DPP6: variants seen among roughly 807,000 people sequenced by gnomAD.
DPP6 encodes the protein dipeptidyl peptidase like 6.
Under a neutral mutation model 122.6 loss-of-function variants are expected in DPP6, and 69 were observed. The observed-to-expected ratio is 0.56, with a 90% CI of 0.46 to 0.69. The LOEUF is 0.69. Ranked by LOEUF, DPP6 falls within the 30% of genes least tolerant of loss-of-function variation. The pLI is 0.00. For synonymous variants in DPP6, 418 were observed against 433.1 expected, an observed-to-expected ratio of 0.97 and a Z score of 0.43; for missense variants, 928 against 1,116.9, an observed-to-expected ratio of 0.83 and a Z score of 2.41.
At chr7:154,805,312 T>C (rs1798630856) in intron 15 of DPP6, among the ~76,000 whole-genome samples, 1 of 152,154 alleles carries the variant, frequency 6.6e-6, no homozygotes, top group South Asian at 2.1e-4. Context: ...CACAGATTTT[T>C]TGTAGGGAGC....
rs79306516 is a variant in DPP6, at chr7:154,676,810, G to A, written c.762+7369G>A. Among the ~76,000 whole-genome samples the A allele has an allele frequency of 3.2e-3, 485 of 152,356 alleles. 10 individuals are homozygous for A. The East Asian group carries it at 0.037, about 12-fold the overall frequency. ...TTAAGCATTTTGAGGCAGGAACTAC[G>A]TGAAGCAGGCTTACAGAAGCGAGAA... is the stretch of plus-strand genomic sequence containing the variant. On this transcript the variant is annotated intron_variant, in intron 7 of 25. Coordinates refer to ENST00000377770, the MANE Select transcript of DPP6 (RefSeq NM_130797.4).
chr7:154,657,903 C>T (rs1837376628), intron 6 of DPP6, among the ~76,000 whole-genome samples: 1 of 152,180 alleles, frequency 6.6e-6, no homozygotes. Context: ...GAGCCAAAAG[C>T]GCACATTCCT....
Position 154,795,936 on chromosome 7 carries a change from G to A in DPP6, c.1299+53G>A, listed in dbSNP as rs981275622. Reference sequence around the variant, plus strand: ...TGTCACCTCCACCTGATCCACCCCAGGGCTGGCCCTCAGAGCTTCGACAAC... The same window carrying A: ...TGTCACCTCCACCTGATCCACCCCAAGGCTGGCCCTCAGAGCTTCGACAAC... On this transcript the variant is annotated intron_variant, in intron 12 of 25. Transcript: ENST00000377770. 4 of 1,578,148 alleles carry A rather than the reference G, an allele frequency of 2.5e-6. No homozygotes were observed. In the African/African-American group the frequency reaches 5.5e-5, roughly 22 times the overall value.
the DPP6 span, among the ~76,000 whole-genome samples, chr7:153,823,513 T>C: frequency 6.6e-6 from 1 of 150,594 alleles, no homozygotes; most frequent in East Asian, 2.0e-4. Context: ...AGCCCTGTCC[T>C]GAAGCTACGA....
At position 154,337,089 on chromosome 7, in the gene DPP6, A is replaced by G. The variant is rs140421376; in HGVS notation, c.244-109125A>G. On this transcript the variant is annotated intron_variant, in intron 1 of 25. Transcript: ENST00000377770. ...TCTCCTTTCCAAACATCCCAGGTAT[A>G]GAAAGTTACATCACTCTTGCAATTT... Among the ~76,000 whole-genome samples the G allele has an allele frequency of 5.3e-3, 810 of 152,314 alleles. 6 individuals carry two copies. The highest frequency in any genetic ancestry group is 0.019 in the African/African-American group (773 of 41,566).
chr7:153,974,031 G>C (rs184226550), intron 1 of DPP6, among the ~76,000 whole-genome samples: 22 of 151,930 alleles, frequency 1.4e-4, no homozygotes, highest in Admixed American at 1.4e-3. Context: ...TGCTCAGAAG[G>C]GGGACTTACC....
intron 1 of DPP6, among the ~76,000 whole-genome samples, chr7:153,899,632 C>T (rs1215857991): frequency 2.0e-5 from 3 of 152,200 alleles, no homozygotes; most frequent in Non-Finnish European, 4.4e-5. Context: ...AGCTGCTTGC[C>T]AAACACAATA....
At chr7:154,572,908 T>C (rs1341145665) in intron 5 of DPP6, among the ~76,000 whole-genome samples, 1 of 151,872 alleles carries the variant, frequency 6.6e-6, no homozygotes, top group Non-Finnish European at 1.5e-5. Context: ...TCAAACTCCT[T>C]ACCTCATTTG....
chr7:154,069,589 A>T (rs564663499), intron 1 of DPP6, among the ~76,000 whole-genome samples: 1 of 151,770 alleles, frequency 6.6e-6, no homozygotes, highest in South Asian at 2.1e-4. Flanking sequence ...GTTGTCATGG[A>T]CCATTGGTTA....
Position 154,624,565 on chromosome 7 carries a change from T to A in DPP6, c.628-13256T>A, listed in dbSNP as rs958671842. Among the ~76,000 whole-genome samples the A allele has an allele frequency of 2.6e-5, 4 of 152,202 alleles. No homozygotes were observed. Among genetic ancestry groups the A allele is most frequent in the South Asian group, 2.1e-4 (1 of 4,832 alleles). ...GGGTGAGATGTCAGGGCTCAGCATC[T>A]GCTTCCGAAGTTGTCACCAGGCATT... is the stretch of plus-strand genomic sequence containing the variant. On this transcript the variant is annotated intron_variant, in intron 5 of 25. Transcript: ENST00000377770. This position sits in a 1 kb window ranked among gnomAD's most constrained non-coding sequence, Gnocchi z 4.7.
chr7:154,359,040 C>A lies in DPP6; in HGVS notation c.244-87174C>A, dbSNP rs113920877. On this transcript the variant is annotated intron_variant, in intron 1 of 25. Coordinates refer to ENST00000377770, the MANE Select transcript of DPP6 (RefSeq NM_130797.4). Reference sequence around the variant, plus strand: ...TATTCTTCTTTTAAAACTGAATGAGCAGAAATACTGTTAGTAGCCAGCTGA... The same window carrying A: ...TATTCTTCTTTTAAAACTGAATGAGAAGAAATACTGTTAGTAGCCAGCTGA... Among the ~76,000 whole-genome samples the A allele has an allele frequency of 4.6e-3, 706 of 152,290 alleles. 5 individuals are homozygous for A. Among genetic ancestry groups the A allele is most frequent in the South Asian group, 0.023 (113 of 4,824 alleles).
intron 5 of DPP6, among the ~76,000 whole-genome samples, chr7:154,579,203 G>A (rs1331836554): frequency 6.6e-6 from 1 of 152,044 alleles, no homozygotes; most frequent in Non-Finnish European, 1.5e-5. Context: ...ACAAAAATTA[G>A]CCAGGCATGG....
chr7:154,338,863 C>T (rs1232791755), intron 1 of DPP6, among the ~76,000 whole-genome samples: 1 of 152,150 alleles, frequency 6.6e-6, no homozygotes, highest in Non-Finnish European at 1.5e-5. Flanking sequence ...ATGTTGGAAC[C>T]CCCCTGCATG....
At position 154,206,437 on chromosome 7, in the gene DPP6, TG is replaced by T. The variant is rs1799450097; in HGVS notation, c.243+153375del. Reference sequence around the variant, plus strand: ...GGGAGAAGCCTTAAATTCCTGTCCTTGAATATGCTCTTGCCCCAGACATATT... The same window carrying T: ...GGGAGAAGCCTTAAATTCCTGTCCTTAATATGCTCTTGCCCCAGACATATT... On this transcript the variant is annotated intron_variant, in intron 1 of 25. Transcript: ENST00000377770. 2.0e-5 allele frequency among the ~76,000 whole-genome samples: 3 copies of T among 152,282 alleles called. No homozygotes were observed. In the South Asian group the frequency reaches 6.2e-4, roughly 32 times the overall value.
intron 16 of DPP6, among the ~76,000 whole-genome samples, chr7:154,852,436 C>A (rs1293011443): frequency 2.0e-5 from 3 of 150,366 alleles, no homozygotes; most frequent in Non-Finnish European, 4.4e-5. Context: ...CCTGCATCTT[C>A]CCACAATCCA....
At chr7:154,501,929 C>G (rs1197740882) in intron 3 of DPP6, among the ~76,000 whole-genome samples, 1 of 141,666 alleles carries the variant, frequency 7.1e-6, no homozygotes, top group Non-Finnish European at 1.6e-5. Flanking sequence ...GAGGCTGTCC[C>G]CTGCAGAGCC....
At chr7:154,713,964 C>A (rs1307671594) in intron 7 of DPP6, among the ~76,000 whole-genome samples, 1 of 152,168 alleles carries the variant, frequency 6.6e-6, no homozygotes, top group Admixed American at 6.5e-5. Flanking sequence ...TTGTTATTTA[C>A]AAATTTCTTC....
Position 154,893,184 on chromosome 7 carries a change from G to C in DPP6, c.*704G>C. On this transcript the variant is annotated 3_prime_UTR_variant, in exon 26 of 26. Coordinates refer to ENST00000377770, the MANE Select transcript of DPP6 (RefSeq NM_130797.4). ...TTTCCCTTTCCTTTCTCCAGTCCAC[G>C]TGTAGACTTTGCGCTTGATGAAGAA... is the stretch of plus-strand genomic sequence containing the variant. 1 of 310,198 alleles carries C rather than the reference G, an allele frequency of 3.2e-6. No individual in the cohort carries two copies. The highest frequency in any genetic ancestry group is 8.7e-5 in the East Asian group (1 of 11,476). The allele number at this position is 310,198 out of a possible 1,614,324, so 19.2% of individuals were successfully genotyped here.
chr7:154,382,642 G>A (rs1813730042), intron 1 of DPP6, among the ~76,000 whole-genome samples: 1 of 152,164 alleles, frequency 6.6e-6, no homozygotes, highest in Non-Finnish European at 1.5e-5. Context: ...TATTTGTTAG[G>A]GAATGAATGA....
Sources: gnomAD v4.1 joint callset for allele counts (sites outside exome capture counted in the v4.1 genomes callset) on GRCh38, gnomAD v4.1.1 for gene constraint, Gnocchi (gnomAD v3.1) non-coding constraint, MANE v1.5 for transcripts, NCBI Gene and HGNC (gene_info 2026-07-23, HGNC 2026-07-21) for gene names.